The following EIPR1 variants were observed in gnomAD, a reference collection of about 807,000 sequenced individuals.
The protein encoded by EIPR1 is EARP complex and GARP complex interacting protein 1, also known as EARP and GARP complex-interacting protein 1.
A neutral mutation model predicts 48.1 loss-of-function variants in EIPR1; 25 were observed. That is an observed-to-expected ratio of 0.52 (90% CI 0.38 to 0.73). The LOEUF is 0.73. Ranked by LOEUF, EIPR1 falls within the 30% of genes least tolerant of loss-of-function variation. EIPR1 has a pLI of 0.00. For missense variants in EIPR1, 415 were observed against 506.2 expected, an observed-to-expected ratio of 0.82 and a Z score of 1.73; for synonymous variants, 204 against 201.9, an observed-to-expected ratio of 1.01 and a Z score of -0.09.
intron 1 of EIPR1, 85 bp downstream of exon 1, chr2:3,377,563 G>T (rs1659937126): frequency 6.6e-7 from 1 of 1,509,902 alleles, no homozygotes; most frequent in African/African-American, 1.4e-5. Flanking sequence ...GCTGGTGGGA[G>T]ATCTGCAAAC....
At chr2:3,325,189 G>A (rs931747493) in intron 3 of EIPR1, among the ~76,000 whole-genome samples, 7 of 152,190 alleles carry the variant, frequency 4.6e-5, no homozygotes, top group African/African-American at 1.2e-4. Flanking sequence ...AAGGGCCGGC[G>A]GTCAGGACCA....
intron 4 of EIPR1, among the ~76,000 whole-genome samples, chr2:3,215,146 G>A (rs890155339): frequency 3.9e-5 from 6 of 152,210 alleles, no homozygotes; most frequent in Admixed American, 2.6e-4. Context: ...ACTCACCAAC[G>A]TGGGCTTCAT....
At chr2:3,363,160 G>C (rs1670891476) in intron 1 of EIPR1, among the ~76,000 whole-genome samples, 1 of 147,718 alleles carries the variant, frequency 6.8e-6, no homozygotes, top group East Asian at 2.0e-4. Flanking sequence ...TCCACATACA[G>C]ATCCTGCTGG....
At chr2:3,266,455 T>A (rs1012882901) in intron 3 of EIPR1, among the ~76,000 whole-genome samples, 8 of 152,232 alleles carry the variant, frequency 5.3e-5, no homozygotes, top group African/African-American at 1.9e-4. Flanking sequence ...GCCTTTTAAA[T>A]GCCTTAGGGA....
At chr2:3,284,607 T>C (rs1018992890) in intron 3 of EIPR1, among the ~76,000 whole-genome samples, 2 of 152,270 alleles carry the variant, frequency 1.3e-5, no homozygotes, top group Non-Finnish European at 1.5e-5. Context: ...TCAGCCCATC[T>C]AATGTCACTC....
chr2:3,232,524 A>G (rs1666273589), intron 4 of EIPR1, among the ~76,000 whole-genome samples: 1 of 151,882 alleles, frequency 6.6e-6, no homozygotes, highest in Admixed American at 6.6e-5. Context: ...GCCTTAAGAT[A>G]TTTTTTGATC....
intron 1 of EIPR1, among the ~76,000 whole-genome samples, chr2:3,358,105 C>T (rs531601711): frequency 1.3e-5 from 2 of 152,238 alleles, no homozygotes; most frequent in South Asian, 2.1e-4. Flanking sequence ...TACGGAGCTC[C>T]GAATACACCT....
At chr2:3,201,999 C>T (rs994547186) in intron 5 of EIPR1, among the ~76,000 whole-genome samples, 6 of 152,224 alleles carry the variant, frequency 3.9e-5, no homozygotes, top group East Asian at 3.9e-4. Flanking sequence ...TGCAGTGGCG[C>T]GATCTCGGCT....
intron 2 of EIPR1, among the ~76,000 whole-genome samples, chr2:3,342,089 A>C (rs1180216947): frequency 6.6e-6 from 1 of 152,224 alleles, no homozygotes; most frequent in Non-Finnish European, 1.5e-5. Context: ...GAACTACATA[A>C]ATGTTGAAAC....
chr2:3,348,255 C>T (rs1184146640), intron 2 of EIPR1, among the ~76,000 whole-genome samples: 9 of 152,142 alleles, frequency 5.9e-5, no homozygotes, highest in East Asian at 5.8e-4. Context: ...TTTTCACTGA[C>T]GAGGACCCTG....
chr2:3,268,255 C>G (rs556207937), intron 3 of EIPR1, among the ~76,000 whole-genome samples: 1 of 152,330 alleles, frequency 6.6e-6, no homozygotes, highest in East Asian at 1.9e-4. Context: ...TCTGAAGGCA[C>G]CTGTGGGGCC....
chr2:3,361,500 T>G (rs760341825), intron 1 of EIPR1, among the ~76,000 whole-genome samples: 42 of 151,766 alleles, frequency 2.8e-4, no homozygotes, highest in Non-Finnish European at 5.4e-4. Context: ...GTCTTTGACT[T>G]GATGTCCCTC....
At chr2:3,200,119 G>A (rs1369506361) in intron 5 of EIPR1, among the ~76,000 whole-genome samples, 1 of 152,100 alleles carries the variant, frequency 6.6e-6, no homozygotes, top group Non-Finnish European at 1.5e-5. Context: ...ATAGTCAGAG[G>A]AGCTCTCTAG....
intron 3 of EIPR1, among the ~76,000 whole-genome samples, chr2:3,307,363 T>C (rs1421505036): frequency 6.6e-6 from 1 of 152,130 alleles, no homozygotes; most frequent in Non-Finnish European, 1.5e-5. Context: ...TGCCCTAATG[T>C]CTCCCGGCCC....
chr2:3,301,167 A>C (rs566994693), intron 3 of EIPR1: 1 of 152,168 alleles, frequency 6.6e-6, no homozygotes, highest in Non-Finnish European at 1.5e-5. Flanking sequence ...CGGGCACGCA[A>C]GTTCCTCTGT....
At chr2:3,199,410 A>G (rs1664933792) in intron 5 of EIPR1, among the ~76,000 whole-genome samples, 1 of 152,228 alleles carries the variant, frequency 6.6e-6, no homozygotes, top group Admixed American at 6.5e-5. Flanking sequence ...GGCATAGGAA[A>G]TTATAAGAGC....
Position 3,358,456 on chromosome 2 carries a change from C to G in EIPR1, c.43-3823G>C, listed in dbSNP as rs115327719. Among the ~76,000 whole-genome samples the G allele has an allele frequency of 3.1e-3, 468 of 152,294 alleles. 3 individuals are homozygous for G. Among genetic ancestry groups the G allele is most frequent in the African/African-American group, 0.01 (431 of 41,562 alleles). On this transcript the variant is annotated intron_variant, in intron 1 of 8. Transcript: ENST00000382125. ...CCGAGAATACACATGTCTAGAGCAA[C>G]ATTCCCATGATTAGACACCTGGAGA...
At chr2:3,357,755 T>C (rs1374190874) in intron 1 of EIPR1, among the ~76,000 whole-genome samples, 1 of 152,234 alleles carries the variant, frequency 6.6e-6, no homozygotes, top group Non-Finnish European at 1.5e-5. Flanking sequence ...AATTCACGAA[T>C]TGATCATTGT....
intron 3 of EIPR1, among the ~76,000 whole-genome samples, chr2:3,303,865 G>T (rs925969888): frequency 6.6e-6 from 1 of 152,174 alleles, no homozygotes; most frequent in Admixed American, 6.5e-5. Context: ...AACAGACAGA[G>T]TATAACCCCA....
Sources: gnomAD v4.1 joint callset for allele counts (sites outside exome capture counted in the v4.1 genomes callset) on GRCh38, gnomAD v4.1.1 for gene constraint, MANE v1.5 for transcripts, NCBI Gene and HGNC (gene_info 2026-07-23, HGNC 2026-07-21) for gene names.